Variants in TAOK3 observed in about 807,000 individuals in gnomAD.
TAOK3 encodes the protein serine/threonine-protein kinase TAO3.
In TAOK3, 40 loss-of-function variants were observed where a neutral mutation model predicts 120.4. The observed-to-expected ratio is 0.33, with a 90% confidence interval of 0.26 to 0.43. The LOEUF is 0.43. Ranked by LOEUF, TAOK3 falls within the 20% of genes least tolerant of loss-of-function variation. The probability of loss-of-function intolerance (pLI) is 1.00; values close to 1 mark genes in which losing one functional copy is unlikely to be tolerated. For synonymous variants in TAOK3, 355 were observed against 387.5 expected (o/e 0.92, Z 0.99); for missense variants, 821 against 1,112.1 (o/e 0.74, Z 3.72).
At chr12:118,262,250 G>A (rs1395516997) in intron 2 of TAOK3, among the ~76,000 whole-genome samples, 3 of 152,152 alleles carry the variant, frequency 2.0e-5, no homozygotes, top group East Asian at 2.0e-4. Context: ...TTGGGTGGCC[G>A]AGGCAGGTGG....
At chr12:118,159,885 A>G in intron 19 of TAOK3, 1 of 519,780 alleles carries the variant, frequency 1.9e-6, no homozygotes, top group Non-Finnish European at 3.5e-6. Context: ...TGTGGTATCT[A>G]TCACATTTGC....
chr12:118,177,182 C>T lies in TAOK3; in HGVS notation c.1695+19G>A. On this transcript the variant is annotated intron_variant, in intron 16 of 20. Coordinates refer to ENST00000392533, the MANE Select transcript of TAOK3 (RefSeq NM_016281.4). The stretch of plus-strand genomic sequence containing the variant: ...CATTCTAATGGCAACTTGGTGAGAA[C>T]AAACATTGGTATCCTTACCTCTTTT... 6.2e-7 allele frequency: 1 copy of T among 1,610,290 alleles called. No individual in the cohort carries two copies. The highest frequency in any genetic ancestry group is 8.5e-7 in the Non-Finnish European group (1 of 1,178,064).
intron 3 of TAOK3, among the ~76,000 whole-genome samples, chr12:118,249,122 A>G (rs943185498): frequency 8.5e-5 from 13 of 152,214 alleles, no homozygotes; most frequent in Admixed American, 3.3e-4. Context: ...AATACTTCCA[A>G]TAGTCTCAAT....
intron 1 of TAOK3, among the ~76,000 whole-genome samples, chr12:118,338,631 CAAAAA>C (rs1233194417): frequency 6.6e-6 from 1 of 151,570 alleles, no homozygotes; most frequent in Non-Finnish European, 1.5e-5. Context: ...ACTAAAAATA[CAAAAA>C]TTAGCCAGGC....
intron 1 of TAOK3, among the ~76,000 whole-genome samples, chr12:118,352,250 AATAG>A (rs1435349715): frequency 2.0e-5 from 3 of 152,208 alleles, no homozygotes; most frequent in African/African-American, 7.2e-5. Context: ...ATATCACTTT[AATAG>A]CAGCACTTTG....
intron 1 of TAOK3, among the ~76,000 whole-genome samples, chr12:118,316,338 C>T (rs1344429064): frequency 6.6e-6 from 1 of 152,124 alleles, no homozygotes; most frequent in Non-Finnish European, 1.5e-5. Flanking sequence ...GAAAGAGCTC[C>T]TACTCATTTG....
At chr12:118,268,535 G>A (rs1285115636) in intron 1 of TAOK3, among the ~76,000 whole-genome samples, 1 of 152,144 alleles carries the variant, frequency 6.6e-6, no homozygotes, top group Non-Finnish European at 1.5e-5. Context: ...GCTGTGGAAT[G>A]CTTCAGATTA....
intron 11 of TAOK3, among the ~76,000 whole-genome samples, chr12:118,206,593 G>GT (rs939382245): frequency 5.2e-4 from 79 of 151,004 alleles, no homozygotes; most frequent in African/African-American, 1.6e-3. Flanking sequence ...TCTCCTCATT[G>GT]TTTTTTTTTA....
chr12:118,330,910 G>A (rs552755310), intron 1 of TAOK3, among the ~76,000 whole-genome samples: 2 of 152,170 alleles, frequency 1.3e-5, no homozygotes, highest in East Asian at 3.9e-4. Context: ...TGAAAATGTG[G>A]GACATCTGTT....
intron 17 of TAOK3, among the ~76,000 whole-genome samples, chr12:118,162,390 C>T (rs1361269624): frequency 6.6e-6 from 1 of 152,130 alleles, no homozygotes; most frequent in African/African-American, 2.4e-5. Context: ...AGTGGTCCTA[C>T]ACCCTGACGG....
intron 12 of TAOK3, 185 bp from the exon 13 acceptor site, chr12:118,199,442 T>G: frequency 1.6e-6 from 1 of 607,338 alleles, no homozygotes; most frequent in Non-Finnish European, 2.9e-6. Flanking sequence ...CATATTTGCT[T>G]CCTATGCCTT....
chr12:118,225,925 T>C (rs2039480749), intron 9 of TAOK3, among the ~76,000 whole-genome samples: 1 of 152,206 alleles, frequency 6.6e-6, no homozygotes, highest in African/African-American at 2.4e-5. Context: ...CATTTTACCA[T>C]GTTGCTTCCT....
rs879325089 is a variant in TAOK3, at chr12:118,294,385, CT to C, written c.-193-27627del. Among the ~76,000 whole-genome samples the C allele has an allele frequency of 8.5e-3, 1,256 of 148,532 alleles. 7 individuals carry two copies. Among genetic ancestry groups the C allele is most frequent in the Non-Finnish European group, 0.013 (851 of 66,948 alleles). ...CATTTTCCAGAATTTCTTTTCTTTT[CT>C]TTTTTTTTTCTTTTTTTGATAGAGT... On this transcript the variant is annotated intron_variant, in intron 1 of 20. Coordinates refer to ENST00000392533, the MANE Select transcript of TAOK3 (RefSeq NM_016281.4).
chr12:118,364,873 C>T (rs954822442), intron 1 of TAOK3, among the ~76,000 whole-genome samples: 4 of 152,208 alleles, frequency 2.6e-5, no homozygotes, highest in Non-Finnish European at 2.9e-5. Context: ...CCACTGCACT[C>T]CAGCCTGGGT....
chr12:118,349,154 G>A (rs1294451781), intron 1 of TAOK3, among the ~76,000 whole-genome samples: 2 of 152,298 alleles, frequency 1.3e-5, no homozygotes, highest in Non-Finnish European at 2.9e-5. Context: ...GCCTCCCAAA[G>A]TGCTGGGATT....
At chr12:118,332,802 C>A (rs1208742501) in intron 1 of TAOK3, among the ~76,000 whole-genome samples, 1 of 152,040 alleles carries the variant, frequency 6.6e-6, no homozygotes, top group African/African-American at 2.4e-5. Flanking sequence ...TCATGTGAGA[C>A]CTTATCTCTT....
intron 3 of TAOK3, among the ~76,000 whole-genome samples, chr12:118,249,560 T>TAAAAAA (rs772488477): frequency 2.8e-5 from 3 of 107,236 alleles, no homozygotes; most frequent in South Asian, 2.9e-4. Context: ...AGATTTTGTC[T>TAAAAAA]AAAAAAAAAA....
Position 118,293,601 on chromosome 12 carries a change from G to T in TAOK3, c.-193-26842C>A, listed in dbSNP as rs2042563409. On this transcript the variant is annotated intron_variant, in intron 1 of 20. Transcript: ENST00000392533. The stretch of plus-strand genomic sequence containing the variant: ...AGGCAGGAGAATCCCTTGAACCCGG[G>T]AGGCAGAGGTTGCAGTGAGCCGAGA... Among the ~76,000 whole-genome samples, 6 of 150,738 alleles carry T rather than the reference G, an allele frequency of 4.0e-5. No homozygotes were observed. In the South Asian group the frequency reaches 1.3e-3, roughly 32 times the overall value.
chr12:118,238,635 A>ATT (rs72180783), intron 6 of TAOK3, among the ~76,000 whole-genome samples: 11 of 144,134 alleles, frequency 7.6e-5, no homozygotes, highest in African/African-American at 1.3e-4. Context: ...CAGTGATTTA[A>ATT]TTTTTTTTTT....
Sources: allele counts gnomAD v4.1 joint callset (sites outside exome capture counted in the v4.1 genomes callset), GRCh38; gene constraint gnomAD v4.1.1; transcripts MANE v1.5; gene names NCBI Gene and HGNC (gene_info 2026-07-23, HGNC 2026-07-21).